The following RELCH variants were observed in gnomAD, a reference collection of about 807,000 sequenced individuals.
RELCH encodes RAB11 binding and LisH domain, coiled-coil and HEAT repeat containing, also known as RAB11-binding protein RELCH.
In RELCH, 41 loss-of-function variants were observed where a neutral mutation model predicts 150.3. The ratio of observed to expected loss-of-function variants is 0.27; its 90% CI spans 0.21 to 0.35. The LOEUF is 0.35. Ranked by LOEUF, RELCH falls within the 10% of genes least tolerant of loss-of-function variation. The probability of loss-of-function intolerance (pLI) is 1.00; values close to 1 mark genes in which losing one functional copy is unlikely to be tolerated. For synonymous variants in RELCH, 478 were observed against 531.8 expected (o/e 0.90, Z 1.39); for missense variants, 1,092 against 1,467.8 (o/e 0.74, Z 4.18).
At chr18:62,291,105 G>A (rs913808421) in intron 26 of RELCH, among the ~76,000 whole-genome samples, 12 of 152,040 alleles carry the variant, frequency 7.9e-5, no homozygotes, top group Admixed American at 3.3e-4. Flanking sequence ...TTTCTCAATC[G>A]TTTACAATTG....
intron 3 of RELCH, 34 bp from the exon 4 acceptor site, chr18:62,221,185 A>T: frequency 6.3e-7 from 1 of 1,596,346 alleles, no homozygotes; most frequent in South Asian, 1.1e-5. Flanking sequence ...AAAATGTAAA[A>T]TAGTAAAATA....
In RELCH at chr18:62,252,015, G is replaced by C. The variant is rs1222617845; in HGVS notation, c.1734-649G>C. Among the ~76,000 whole-genome samples, 5 of 151,478 alleles carry C rather than the reference G, an allele frequency of 3.3e-5. 1 individual carries two copies. Among genetic ancestry groups the C allele is most frequent in the Non-Finnish European group, 7.4e-5 (5 of 67,902 alleles). On this transcript the variant is annotated intron_variant, in intron 11 of 28. Transcript: ENST00000644646. ...TTTTTCTTTTTTTCTTTTTTTTCTT[G>C]AGACGGAGTCTCACTCTGTTGCCAG... is the stretch of plus-strand genomic sequence containing the variant.
intron 25 of RELCH, chr18:62,284,482 G>T (rs2044688859): frequency 2.0e-5 from 3 of 152,280 alleles, no homozygotes; most frequent in Non-Finnish European, 4.4e-5. Flanking sequence ...GGTACAACCA[G>T]ATTTTTTTAA....
chr18:62,197,444 G>A (rs898536553), intron 1 of RELCH, among the ~76,000 whole-genome samples: 1 of 152,126 alleles, frequency 6.6e-6, no homozygotes, highest in Non-Finnish European at 1.5e-5. Context: ...GCTTTTAACT[G>A]TGCTGTTCCA....
In RELCH at chr18:62,221,200, TTA is replaced by T; in HGVS notation, c.689-17_689-16del. On this transcript the variant is annotated splice_polypyrimidine_tract_variant and intron_variant, in intron 3 of 28. Transcript: ENST00000644646. ...AAAATGTAAAATAGTAAAATAGTAC[TTA>T]TGTTTTTTTCCACCAGAACATGAAG... is the stretch of plus-strand genomic sequence containing the variant. The T allele has an allele frequency of 6.2e-7, 1 of 1,602,920 alleles. No homozygotes were observed. Among genetic ancestry groups the T allele is most frequent in the South Asian group, 1.1e-5 (1 of 90,680 alleles).
rs770453549 is a variant in RELCH at position 62,257,934 on chromosome 18, A to T, written c.1897-14A>T. 1 of 1,578,162 alleles carries T rather than the reference A, an allele frequency of 6.3e-7. No individual in the cohort carries two copies. Among genetic ancestry groups the T allele is most frequent in the South Asian group, 1.2e-5 (1 of 85,730 alleles). On this transcript the variant is annotated splice_polypyrimidine_tract_variant and intron_variant, in intron 13 of 28. Coordinates refer to ENST00000644646, the MANE Select transcript of RELCH (RefSeq NM_001346231.2). Reference sequence around the variant, plus strand: ...TTAGGTGTAAATAAATAGTAAAAACATGTTTATTTTCAGAAAGAAATCCGT... The same window carrying T: ...TTAGGTGTAAATAAATAGTAAAAACTTGTTTATTTTCAGAAAGAAATCCGT...
intron 10 of RELCH, chr18:62,234,884 T>C (rs945448317): frequency 2.6e-5 from 4 of 152,158 alleles, no homozygotes; most frequent in Middle Eastern, 3.4e-3. Flanking sequence ...CTGTAGGTTT[T>C]CTTTTTACAC....
At chr18:62,223,508 A>G (rs559630315) in intron 5 of RELCH, among the ~76,000 whole-genome samples, 4 of 152,178 alleles carry the variant, frequency 2.6e-5, no homozygotes, top group Non-Finnish European at 1.5e-5. Context: ...TTGACCAAAC[A>G]TTGGAGGAAG....
intron 6 of RELCH, 35 bp downstream of exon 6, chr18:62,227,527 A>G (rs2041292608): frequency 2.5e-6 from 4 of 1,583,872 alleles, no homozygotes; most frequent in East Asian, 2.2e-5. Flanking sequence ...AAGTCCACAG[A>G]AAGTATTTAA....
chr18:62,277,736 T>C (rs62094302), intron 22 of RELCH: 189,680 of 882,230 alleles, frequency 0.22, 22,300 homozygotes, highest in Non-Finnish European at 0.23. Context: ...ATCAATCATA[T>C]TATTCCCATT....
intron 15 of RELCH, 49 bp from the exon 16 acceptor site, chr18:62,261,462 A>T: frequency 6.5e-7 from 1 of 1,540,880 alleles, no homozygotes; most frequent in Non-Finnish European, 8.9e-7. Flanking sequence ...TCCAATTAGC[A>T]ATGTAACTTC....
At chr18:62,260,192 G>GAAAAAAAAAAAA (rs1491180785) in intron 15 of RELCH, among the ~76,000 whole-genome samples, 7 of 12,526 alleles carry the variant, frequency 5.6e-4, no homozygotes, top group African/African-American at 2.3e-3. Flanking sequence ...CAACTCAACA[G>GAAAAAAAAAAAA]CAAAAAAAAA....
intron 2 of RELCH, among the ~76,000 whole-genome samples, chr18:62,220,550 T>G (rs142318000): frequency 6.6e-6 from 1 of 152,080 alleles, no homozygotes; most frequent in Non-Finnish European, 1.5e-5. Flanking sequence ...ATAACATTAT[T>G]CTAGATAATG....
Position 62,260,476 on chromosome 18 carries a change from G to GTGGAAGT in RELCH, c.2203-1033_2203-1027dup, listed in dbSNP as rs1348687411. Among the ~76,000 whole-genome samples, 7 of 151,490 alleles carry GTGGAAGT rather than the reference G, an allele frequency of 4.6e-5. No individual in the cohort carries two copies. In the East Asian group the frequency reaches 1.4e-3, roughly 29 times the overall value. The stretch of plus-strand genomic sequence containing the variant: ...TAGTACAGCCACTATGGAAAACAGT[G>GTGGAAGT]TGGAAGTTCCTCACAAAACTAAAAA... On this transcript the variant is annotated intron_variant, in intron 15 of 28. Transcript: ENST00000644646.
At chr18:62,221,824 A>G (rs992555503) in intron 5 of RELCH, among the ~76,000 whole-genome samples, 5 of 151,824 alleles carry the variant, frequency 3.3e-5, no homozygotes, top group Non-Finnish European at 1.5e-5. Flanking sequence ...GTTCTTGTGT[A>G]CTTATAAATC....
intron 10 of RELCH, among the ~76,000 whole-genome samples, chr18:62,238,357 A>T (rs924238914): frequency 6.6e-6 from 1 of 152,004 alleles, no homozygotes; most frequent in Non-Finnish European, 1.5e-5. Context: ...GTTCATTTTA[A>T]TGGATTGGTT....
At chr18:62,244,985 T>C (rs2042328440) in intron 11 of RELCH, 109 bp downstream of exon 11, 2 of 721,008 alleles carry the variant, frequency 2.8e-6, no homozygotes, top group Non-Finnish European at 4.9e-6. Flanking sequence ...TTCCTTCCAG[T>C]ATCTATTTTA....
intron 18 of RELCH, 86 bp downstream of exon 18, chr18:62,264,938 T>C: frequency 9.2e-7 from 1 of 1,087,414 alleles, no homozygotes; most frequent in Non-Finnish European, 1.3e-6. Flanking sequence ...AATAAAAGCA[T>C]GAACCATTCT....
chr18:62,225,773 A>T (rs1458250768), intron 5 of RELCH, among the ~76,000 whole-genome samples: 2 of 151,926 alleles, frequency 1.3e-5, no homozygotes, highest in African/African-American at 4.8e-5. Flanking sequence ...TGGACATTTG[A>T]ATTATGTGTA....
Sources: allele counts gnomAD v4.1 joint callset (sites outside exome capture counted in the v4.1 genomes callset), GRCh38; gene constraint gnomAD v4.1.1; transcripts MANE v1.5; gene names NCBI Gene and HGNC (gene_info 2026-07-23, HGNC 2026-07-21).